Variants in CAMK1D observed in about 807,000 individuals in gnomAD.
The protein encoded by CAMK1D is calcium/calmodulin dependent protein kinase ID.
CAMK1D carries 9 observed loss-of-function variants against 47.7 expected under a neutral mutation model. The observed-to-expected ratio is 0.19, with a 90% confidence interval of 0.11 to 0.33. CAMK1D has a LOEUF of 0.33. Among genes scored for constraint, CAMK1D ranks in the 10% least tolerant of loss-of-function variants. The pLI, the probability that CAMK1D is intolerant of heterozygous loss-of-function variation, is 1.00. For missense variants in CAMK1D, 291 were observed against 488.7 expected, an observed-to-expected ratio of 0.60 and a Z score of 3.81; for synonymous variants, 184 against 184.9, an observed-to-expected ratio of 0.99 and a Z score of 0.04.
chr10:12,602,924 T>TATTATTA (rs1554795394), intron 2 of CAMK1D, among the ~76,000 whole-genome samples: 2 of 149,468 alleles, frequency 1.3e-5, no homozygotes, highest in African/African-American at 2.4e-5. Flanking sequence ...TTATTATTAT[T>TATTATTA]TTGAGACAGA....
At chr10:12,619,257 T>C (rs938948465) in intron 2 of CAMK1D, among the ~76,000 whole-genome samples, 2 of 152,182 alleles carry the variant, frequency 1.3e-5, no homozygotes, top group Non-Finnish European at 2.9e-5. Context: ...AACTAAGGCA[T>C]AGACAGGGTG....
chr10:12,392,668 A>C (rs1436138905), intron 1 of CAMK1D, among the ~76,000 whole-genome samples: 1 of 152,188 alleles, frequency 6.6e-6, no homozygotes, highest in African/African-American at 2.4e-5. Flanking sequence ...AATGCTTAAA[A>C]TCTACTGTCT....
intron 2 of CAMK1D, among the ~76,000 whole-genome samples, chr10:12,584,504 T>C (rs1396683132): frequency 6.6e-6 from 1 of 152,206 alleles, no homozygotes; most frequent in Non-Finnish European, 1.5e-5. Flanking sequence ...TCCAATTTAC[T>C]GAAGAGGGAT....
At chr10:12,373,714 C>T (rs1838077678) in intron 1 of CAMK1D, among the ~76,000 whole-genome samples, 4 of 152,052 alleles carry the variant, frequency 2.6e-5, no homozygotes, top group Admixed American at 2.6e-4. Flanking sequence ...AGCATGCTTA[C>T]ATCACCTGCT....
intron 6 of CAMK1D, among the ~76,000 whole-genome samples, chr10:12,794,765 C>T (rs114129201): frequency 0.033 from 5,061 of 152,156 alleles, 285 homozygotes; most frequent in African/African-American, 0.12. Flanking sequence ...TGAATGGACC[C>T]TTGGCATCTC....
At chr10:12,739,796 T>C (rs1282304086) in intron 3 of CAMK1D, among the ~76,000 whole-genome samples, 1 of 152,186 alleles carries the variant, frequency 6.6e-6, no homozygotes, top group Non-Finnish European at 1.5e-5. Context: ...TGGTGCTCTC[T>C]CGGTCTTGGT....
chr10:12,660,072 T>A (rs929589693), intron 2 of CAMK1D, among the ~76,000 whole-genome samples: 2 of 152,234 alleles, frequency 1.3e-5, no homozygotes, highest in African/African-American at 4.8e-5. Flanking sequence ...CTGGCGTTCA[T>A]AACCTAAGTA....
At chr10:12,433,442 G>C (rs942351731) in intron 1 of CAMK1D, among the ~76,000 whole-genome samples, 1 of 151,988 alleles carries the variant, frequency 6.6e-6, no homozygotes, top group African/African-American at 2.4e-5. Context: ...AAAACAAACA[G>C]TCTAGGCTTC....
At chr10:12,536,101 A>AT (rs1185059765) in intron 1 of CAMK1D, among the ~76,000 whole-genome samples, 28 of 152,174 alleles carry the variant, frequency 1.8e-4, no homozygotes, top group African/African-American at 6.7e-4. Flanking sequence ...CCTTTGGTTA[A>AT]TTTTTTGAAA....
At chr10:12,721,938 C>T (rs1050874497) in intron 3 of CAMK1D, among the ~76,000 whole-genome samples, 1 of 152,132 alleles carries the variant, frequency 6.6e-6, no homozygotes, top group East Asian at 1.9e-4. Context: ...TCGCTGCCTT[C>T]TAAGTGCAGC....
At chr10:12,508,450 A>G (rs1364690516) in intron 1 of CAMK1D, among the ~76,000 whole-genome samples, 17 of 152,238 alleles carry the variant, frequency 1.1e-4, no homozygotes, top group Admixed American at 1.0e-3. Flanking sequence ...CAGAATAGAC[A>G]ACTTCACAGT....
chr10:12,413,728 T>G (rs1414535909), intron 1 of CAMK1D, among the ~76,000 whole-genome samples: 1 of 151,320 alleles, frequency 6.6e-6, no homozygotes, highest in Non-Finnish European at 1.5e-5. Context: ...AATATTCCAT[T>G]CCATTGTCAT....
chr10:12,644,805 G>A (rs1839769253), intron 2 of CAMK1D, among the ~76,000 whole-genome samples: 1 of 152,020 alleles, frequency 6.6e-6, no homozygotes, highest in African/African-American at 2.4e-5. Context: ...GCCATTACAG[G>A]TTAATATTAA....
intron 3 of CAMK1D, among the ~76,000 whole-genome samples, chr10:12,737,612 A>G (rs1835244818): frequency 6.6e-6 from 1 of 152,126 alleles, no homozygotes; most frequent in Non-Finnish European, 1.5e-5. Context: ...CTGTGACCTT[A>G]CCCACTGCTC....
At chr10:12,729,205 T>C (rs1028652778) in intron 3 of CAMK1D, among the ~76,000 whole-genome samples, 1 of 152,224 alleles carries the variant, frequency 6.6e-6, no homozygotes, top group Non-Finnish European at 1.5e-5. Context: ...GAATATGTGC[T>C]GAGTGCCCGT....
At chr10:12,823,802 C>T (rs973003755) in intron 8 of CAMK1D, among the ~76,000 whole-genome samples, 16 of 151,706 alleles carry the variant, frequency 1.1e-4, no homozygotes, top group East Asian at 1.9e-4. Context: ...ATGTACCAGG[C>T]GGGGTTGAGT....
intron 3 of CAMK1D, among the ~76,000 whole-genome samples, chr10:12,713,678 G>C (rs1834017094): frequency 6.6e-6 from 1 of 152,162 alleles, no homozygotes; most frequent in Non-Finnish European, 1.5e-5. Context: ...TTAGGATGTG[G>C]TCAGATGTGG....
At chr10:12,671,401 T>C (rs1840612588) in intron 3 of CAMK1D, among the ~76,000 whole-genome samples, 1 of 151,948 alleles carries the variant, frequency 6.6e-6, no homozygotes, top group Non-Finnish European at 1.5e-5. Flanking sequence ...AAAATGACTG[T>C]ACCATTTTAC....
intron 1 of CAMK1D, among the ~76,000 whole-genome samples, chr10:12,390,130 G>C (rs1035616051): frequency 6.6e-6 from 1 of 152,110 alleles, no homozygotes; most frequent in Non-Finnish European, 1.5e-5. Context: ...TTTATAAAGC[G>C]CTTGTACTGC....
Sources: allele counts gnomAD v4.1 joint callset (sites outside exome capture counted in the v4.1 genomes callset), GRCh38; gene constraint gnomAD v4.1.1; transcripts MANE v1.5; gene names NCBI Gene and HGNC (gene_info 2026-07-23, HGNC 2026-07-21).